NSMCE4A: variants seen among roughly 807,000 people sequenced by gnomAD.
NSMCE4A encodes the protein non-structural maintenance of chromosomes element 4 homolog A.
Under a neutral mutation model 47.9 loss-of-function variants are expected in NSMCE4A, and 40 were observed. The ratio of observed to expected loss-of-function variants is 0.83; its 90% CI spans 0.65 to 1.09. The LOEUF (loss-of-function observed/expected upper bound fraction) is 1.09. NSMCE4A is among the 50% of genes least tolerant of loss of function. The probability of loss-of-function intolerance (pLI) is 0.00; values close to 1 mark genes in which losing one functional copy is unlikely to be tolerated. For synonymous variants in NSMCE4A, 166 were observed against 178.5 expected (o/e 0.93, Z 0.56); for missense variants, 500 against 507.0 (o/e 0.99, Z 0.13).
At chr10:121,971,111 C>T (rs747825052) in intron 2 of NSMCE4A, 42 bp from the exon 3 acceptor site, 8 of 1,566,634 alleles carry the variant, frequency 5.1e-6, no homozygotes, top group Non-Finnish European at 7.0e-6. Flanking sequence ...ACAAAATACA[C>T]ATTATCCATA....
At chr10:121,962,470 A>G (rs1952520004) in intron 6 of NSMCE4A, among the ~76,000 whole-genome samples, 1 of 152,070 alleles carries the variant, frequency 6.6e-6, no homozygotes, top group African/African-American at 2.4e-5. Context: ...TCTGTTAAAT[A>G]TATTTACAGT....
In NSMCE4A at chr10:121,963,026, G is replaced by A. The variant is rs181778282; in HGVS notation, c.844+212C>T. ...TCACTTGAATGGCATATTTCATTTT[G>A]TAACAAAAAAAATCCCCATCTTTTA... On this transcript the variant is annotated intron_variant, in intron 6 of 10. Coordinates refer to ENST00000369023, the MANE Select transcript of NSMCE4A (RefSeq NM_017615.3). Among the ~76,000 whole-genome samples the A allele has an allele frequency of 7.6e-4, 116 of 152,056 alleles. 1 individual carries two copies. The highest frequency in any genetic ancestry group is 2.3e-3 in the African/African-American group (95 of 41,506).
chr10:121,963,434 CTCTTTTTTT>C, intron 5 of NSMCE4A, 106 bp from the exon 6 acceptor site: 5 of 628,454 alleles, frequency 8.0e-6, no homozygotes, highest in Non-Finnish European at 1.1e-5. Context: ...CACACCCGAA[CTCTTTTTTT>C]TTTTTGAGAC....
intron 10 of NSMCE4A, among the ~76,000 whole-genome samples, chr10:121,958,291 AAAAT>A (rs1235883969): frequency 7.9e-5 from 12 of 152,158 alleles, no homozygotes; most frequent in African/African-American, 2.2e-4. Context: ...GTAAGGGGCA[AAAAT>A]AAATAAATAA....
In NSMCE4A at chr10:121,975,000, C is replaced by T. The variant is rs1474020681; in HGVS notation, c.166G>A (p.Glu56Lys). ...RREAPERPSL[E>K]DTEPSDSGDE... is the part of the protein sequence containing the mutation. ...CCGGAATCCGACGGCTCTGTGTCCT[C>T]CAGGCTCGGGCGCTCTGGGGCCTCT... Residue 56 changes from glutamate to lysine, a missense_variant, in exon 1 of 11, where the codon GAG becomes AAG. Transcript: ENST00000369023. The T allele has an allele frequency of 2.4e-5, 36 of 1,513,252 alleles. No individual in the cohort carries two copies. Among genetic ancestry groups the T allele is most frequent in the East Asian group, 1.1e-4 (4 of 35,790 alleles). The allele number at this position is 1,513,252 out of a possible 1,614,324, so 93.7% of individuals were successfully genotyped here. A position where few individuals can be genotyped will look rare whatever the true frequency, so the allele number is the denominator to read the frequency against.
Position 121,961,511 on chromosome 10 carries a change from G to A in NSMCE4A, c.851C>T (p.Thr284Ile), listed in dbSNP as rs372932410. The change falls in exon 7 of 11, where the codon ACC becomes ATC. Residue 284 changes from threonine (T) to isoleucine (I), a missense_variant. Thr to Ile is a moderately conservative substitution (Grantham distance 89). Coordinates refer to ENST00000369023, the MANE Select transcript of NSMCE4A (RefSeq NM_017615.3). ...CACAAAGTCAAAGAAGGACATTGGG[G>A]TATCAGCTATAGACAAAAAGAGAAA... ...LQTYFREDPD[T>I]PMSFFDFVVD... 7.1e-6 allele frequency: 11 copies of A among 1,557,384 alleles called. No individual in the cohort carries two copies. The highest frequency in any genetic ancestry group is 2.3e-5 in the Admixed American group (1 of 43,564).
At chr10:121,965,195 C>CT in intron 5 of NSMCE4A, 91 bp downstream of exon 5, 3 of 866,024 alleles carry the variant, frequency 3.5e-6, no homozygotes, top group East Asian at 5.0e-5. Flanking sequence ...GACCCGCACA[C>CT]TTAGAAAAAA....
At chr10:121,958,812 T>C (rs1952445408) in intron 10 of NSMCE4A, among the ~76,000 whole-genome samples, 1 of 152,224 alleles carries the variant, frequency 6.6e-6, no homozygotes, top group Admixed American at 6.5e-5. Flanking sequence ...CACTGCTTCT[T>C]TCAGCTGCAA....
At chr10:121,965,489 C>T (rs1952590617) in intron 4 of NSMCE4A, 104 bp from the exon 5 acceptor site, 1 of 787,778 alleles carries the variant, frequency 1.3e-6, no homozygotes, top group African/African-American at 1.7e-5. Flanking sequence ...AAATTCAGAC[C>T]AGACATCAGT....
intron 1 of NSMCE4A, 65 bp from the exon 2 acceptor site, chr10:121,974,146 T>C: frequency 7.1e-7 from 1 of 1,415,714 alleles, no homozygotes; most frequent in Admixed American, 1.9e-5. Context: ...GTTGACAAGG[T>C]TATCACCTGC....
chr10:121,963,168 T>C, intron 6 of NSMCE4A, 70 bp downstream of exon 6: 2 of 861,136 alleles, frequency 2.3e-6, no homozygotes, highest in Non-Finnish European at 1.8e-6. Context: ...TGAAATTGCC[T>C]TTTAAATACA....
rs1952469487 is a variant in NSMCE4A at position 121,959,999 on chromosome 10, A to G, written c.988+359T>C. 10 of 261,862 alleles carry G rather than the reference A, an allele frequency of 3.8e-5. No individual in the cohort carries two copies. The South Asian group carries it at 8.5e-4, about 22-fold the overall frequency. The allele number at this position is 261,862 out of a possible 1,614,324, so 16.2% of individuals were successfully genotyped here. A position where few individuals can be genotyped will look rare whatever the true frequency, so the allele number is the denominator to read the frequency against. ...AGAGTGTGAAATTATTCAGGTAAGA[A>G]TGAAAGATTCATAGAACCTCAAAGA... On this transcript the variant is annotated intron_variant, in intron 8 of 10. Coordinates refer to ENST00000369023, the MANE Select transcript of NSMCE4A (RefSeq NM_017615.3).
chr10:121,971,189 C>A, intron 2 of NSMCE4A, 120 bp from the exon 3 acceptor site: 4 of 783,720 alleles, frequency 5.1e-6, no homozygotes, highest in Non-Finnish European at 7.9e-6. Flanking sequence ...AAAAAAATCT[C>A]AATAGGCAAC....
chr10:121,973,953 C>G, intron 2 of NSMCE4A, 51 bp downstream of exon 2: 1 of 1,273,704 alleles, frequency 7.9e-7, no homozygotes, highest in Non-Finnish European at 1.1e-6. Context: ...TTATGTAACA[C>G]TAATTAAAAG....
chr10:121,959,454 G>A, intron 9 of NSMCE4A, 44 bp from the exon 10 acceptor site: 1 of 1,612,048 alleles, frequency 6.2e-7, no homozygotes, highest in Non-Finnish European at 8.5e-7. Context: ...CTTACTGCAA[G>A]TGAAGGCAGA....
chr10:121,968,280 A>G (rs1416067921), intron 3 of NSMCE4A, among the ~76,000 whole-genome samples: 1 of 152,214 alleles, frequency 6.6e-6, no homozygotes, highest in Non-Finnish European at 1.5e-5. Flanking sequence ...ACCCTGCTGT[A>G]GCCCACTGGC....
At chr10:121,966,050 C>T (rs1952601013) in intron 4 of NSMCE4A, 1 of 152,168 alleles carries the variant, frequency 6.6e-6, no homozygotes, top group South Asian at 2.1e-4. Flanking sequence ...TGGTGGGCTA[C>T]TCTGGGAACA....
At chr10:121,974,454 G>T in intron 1 of NSMCE4A, 1 of 1,011,628 alleles carries the variant, frequency 9.9e-7, no homozygotes, top group Non-Finnish European at 1.2e-6. Context: ...CCGCGGGTCC[G>T]GGTGGGGTCC....
chr10:121,961,721 T>C (rs1172647719), intron 6 of NSMCE4A: 2 of 463,274 alleles, frequency 4.3e-6, no homozygotes, highest in African/African-American at 4.1e-5. Context: ...TAAGAAGCTG[T>C]GCTACAGAAA....
Sources: allele counts gnomAD v4.1 joint callset (sites outside exome capture counted in the v4.1 genomes callset), GRCh38; gene constraint gnomAD v4.1.1; transcripts MANE v1.5; gene names NCBI Gene and HGNC (gene_info 2026-07-23, HGNC 2026-07-21).